PCSK5: variants seen among roughly 807,000 people sequenced by gnomAD.
PCSK5 encodes the protein proprotein convertase subtilisin/kexin type 5, also known as prohormone convertase 5.
In PCSK5, 129 loss-of-function variants were observed where a neutral mutation model predicts 233.2. The observed-to-expected ratio is 0.55, with a 90% CI of 0.48 to 0.64. The LOEUF (loss-of-function observed/expected upper bound fraction) is 0.64. Among genes scored for constraint, PCSK5 ranks in the 30% least tolerant of loss-of-function variants. The pLI is 0.00. For missense variants in PCSK5, 2,076 were observed against 2,430.1 expected, an observed-to-expected ratio of 0.85 and a Z score of 3.06; for synonymous variants, 825 against 879.2, an observed-to-expected ratio of 0.94 and a Z score of 1.09.
At chr9:75,987,570 G>T (rs548921646) in intron 3 of PCSK5, among the ~76,000 whole-genome samples, 6 of 151,992 alleles carry the variant, frequency 3.9e-5, no homozygotes, top group African/African-American at 1.5e-4. Context: ...CCTTTTCTTG[G>T]TCTTACCCAG....
intron 1 of PCSK5, among the ~76,000 whole-genome samples, chr9:75,908,989 ATC>A: frequency 7.2e-6 from 1 of 138,998 alleles, no homozygotes; most frequent in East Asian, 2.2e-4. Context: ...CTATCTATCT[ATC>A]CGATTTTCTC....
chr9:76,337,905 T>C (rs1479799039), intron 34 of PCSK5, among the ~76,000 whole-genome samples: 2 of 151,946 alleles, frequency 1.3e-5, no homozygotes, highest in Non-Finnish European at 2.9e-5. Context: ...AAGCATGAAC[T>C]TGGAGAGACA....
chr9:76,110,053 A>G (rs1832147496), intron 9 of PCSK5, among the ~76,000 whole-genome samples: 1 of 152,166 alleles, frequency 6.6e-6, no homozygotes, highest in African/African-American at 2.4e-5. Flanking sequence ...ATCTCCTCTT[A>G]CACTATTGCT....
At chr9:76,105,700 G>GA (rs567033766) in intron 8 of PCSK5, among the ~76,000 whole-genome samples, 65 of 152,236 alleles carry the variant, frequency 4.3e-4, no homozygotes, top group African/African-American at 8.9e-4. Flanking sequence ...ATTCATTCAG[G>GA]AAAACGTAGT....
intron 3 of PCSK5, among the ~76,000 whole-genome samples, chr9:76,019,751 T>G (rs990572822): frequency 3.9e-5 from 6 of 152,186 alleles, no homozygotes; most frequent in African/African-American, 1.2e-4. Context: ...ATAACCCTGG[T>G]ATGGAAAAGG....
At chr9:75,980,271 T>C (rs1826218229) in intron 2 of PCSK5, among the ~76,000 whole-genome samples, 1 of 152,186 alleles carries the variant, frequency 6.6e-6, no homozygotes. Context: ...TTCTAAAATT[T>C]TGGCTTCCTT....
intron 10 of PCSK5, among the ~76,000 whole-genome samples, chr9:76,146,132 C>T (rs911587129): frequency 6.6e-6 from 1 of 151,946 alleles, no homozygotes; most frequent in Non-Finnish European, 1.5e-5. Flanking sequence ...ATCACATGTC[C>T]CAGTAATGGC....
At chr9:75,936,421 C>T (rs1031919343) in intron 2 of PCSK5, among the ~76,000 whole-genome samples, 3 of 152,226 alleles carry the variant, frequency 2.0e-5, no homozygotes. Flanking sequence ...TGGAGTCAAT[C>T]CTCTGAAACC....
intron 24 of PCSK5, among the ~76,000 whole-genome samples, chr9:76,271,419 G>A (rs1022353048): frequency 2.6e-5 from 4 of 152,174 alleles, no homozygotes; most frequent in Non-Finnish European, 4.4e-5. Flanking sequence ...AGAAGAAGTA[G>A]CTGAATTTAA....
intron 5 of PCSK5, among the ~76,000 whole-genome samples, chr9:76,037,580 ATAAAG>A (rs1828916790): frequency 6.6e-6 from 1 of 152,194 alleles, no homozygotes; most frequent in Non-Finnish European, 1.5e-5. Context: ...TTGGAATCAC[ATAAAG>A]TAAAAGACAC....
intron 1 of PCSK5, among the ~76,000 whole-genome samples, chr9:75,897,489 CTTTTTT>C (rs58504698): frequency 1.7e-5 from 2 of 119,630 alleles, no homozygotes; most frequent in African/African-American, 3.3e-5. Context: ...TCTTTCTTTT[CTTTTTT>C]TTTTTTTTTT....
At chr9:75,894,348 G>A (rs1564065558) in intron 1 of PCSK5, among the ~76,000 whole-genome samples, 1 of 151,982 alleles carries the variant, frequency 6.6e-6, no homozygotes, top group Non-Finnish European at 1.5e-5. Flanking sequence ...TCTGGCCAGG[G>A]CATTTCTATG....
chr9:76,163,186 G>A (rs1310170759), intron 12 of PCSK5, among the ~76,000 whole-genome samples: 1 of 152,228 alleles, frequency 6.6e-6, no homozygotes, highest in Non-Finnish European at 1.5e-5. Context: ...ACATTTCAGT[G>A]AGGAATTTCT....
intron 1 of PCSK5, among the ~76,000 whole-genome samples, chr9:75,926,180 T>A (rs1427125550): frequency 1.3e-5 from 2 of 150,180 alleles, no homozygotes; most frequent in Non-Finnish European, 2.9e-5. Flanking sequence ...ACTCTATGGA[T>A]TGCAAAGAAA....
chr9:76,339,701 C>T (rs1206062717), intron 35 of PCSK5, among the ~76,000 whole-genome samples: 2 of 152,046 alleles, frequency 1.3e-5, no homozygotes, highest in Non-Finnish European at 2.9e-5. Flanking sequence ...TGCACCACCA[C>T]GCCTGGCTAA....
At position 76,022,518 on chromosome 9, in the gene PCSK5, G is replaced by A. The variant is rs769197607; in HGVS notation, c.412-1220G>A. 9.9e-5 allele frequency among the ~76,000 whole-genome samples: 15 copies of A among 152,270 alleles called. 1 individual carries two copies. In the South Asian group the frequency reaches 1.5e-3, roughly 15 times the overall value. On this transcript the variant is annotated intron_variant, in intron 3 of 37. Coordinates refer to ENST00000674117, the MANE Select transcript of PCSK5 (RefSeq NM_001372043.1). ...GCTCGTGTTACTATGGAATTATGTA[G>A]CAGCACAGCTCTCCTCTTTTGTTCC...
At chr9:76,278,815 T>C (rs901304802) in intron 24 of PCSK5, among the ~76,000 whole-genome samples, 2 of 152,196 alleles carry the variant, frequency 1.3e-5, no homozygotes, top group Non-Finnish European at 2.9e-5. Flanking sequence ...TTAAATACTC[T>C]TGAGAAACAA....
Position 76,296,702 on chromosome 9 carries a change from T to C in PCSK5, c.3360T>C (p.Tyr1120=), listed in dbSNP as rs370026251. The C allele has an allele frequency of 6.4e-5, 103 of 1,612,530 alleles. No homozygotes were observed. The highest frequency in any genetic ancestry group is 7.5e-5 in the Non-Finnish European group (89 of 1,179,672). Reference sequence around the variant, plus strand: ...TGAGGAAATGTGGTCCTGGATTCTATGGTGACCAAGAAATGGGAGAATGTG... The same window carrying C: ...TGAGGAAATGTGGTCCTGGATTCTACGGTGACCAAGAAATGGGAGAATGTG... ...SCVRKCGPGF[Y]GDQEMGECES... The change falls in exon 27 of 38, where the codon TAT becomes TAC. Residue 1120 remains tyrosine (Y), a synonymous_variant. Transcript: ENST00000674117.
intron 8 of PCSK5, among the ~76,000 whole-genome samples, chr9:76,103,305 G>A (rs944470304): frequency 6.6e-6 from 1 of 152,142 alleles, no homozygotes; most frequent in Admixed American, 6.5e-5. Flanking sequence ...CTAACAGACA[G>A]TAAAATCATT....
Sources: allele counts gnomAD v4.1 joint callset (sites outside exome capture counted in the v4.1 genomes callset), GRCh38; gene constraint gnomAD v4.1.1; transcripts MANE v1.5; gene names NCBI Gene and HGNC (gene_info 2026-07-23, HGNC 2026-07-21).